The following CNGB3 variants were observed in gnomAD, a reference collection of about 807,000 sequenced individuals.
CNGB3 encodes the protein cyclic nucleotide-gated channel beta-3.
CNGB3 carries 86 observed loss-of-function variants against 92.8 expected under a neutral mutation model. The ratio of observed to expected loss-of-function variants is 0.93; its 90% CI spans 0.78 to 1.11. CNGB3 has a LOEUF of 1.11. CNGB3 is among the 50% of genes least tolerant of loss of function. CNGB3 has a pLI of 0.00. For synonymous variants in CNGB3, 333 were observed against 332.7 expected, an observed-to-expected ratio of 1.00 and a Z score of -0.01; for missense variants, 1,026 against 956.8, an observed-to-expected ratio of 1.07 and a Z score of -0.95.
Position 86,726,581 on chromosome 8 carries a change from T to C in CNGB3, c.288A>G (p.Gly96=). The C allele has an allele frequency of 6.2e-7, 1 of 1,613,904 alleles. No homozygotes were observed. Among genetic ancestry groups the C allele is most frequent in the Non-Finnish European group, 8.5e-7 (1 of 1,179,808 alleles). The part of the protein sequence containing the change: ...PDPQNAAEPT[G]TVPEQKEMDP... ...CCATTTCCTTCTGCTCTGGCACTGT[T>C]CCAGTTGGTTCTGCTGCATTTTGAG... is the stretch of plus-strand genomic sequence containing the variant. Residue 96 remains glycine, a synonymous_variant, in exon 3 of 18, where the codon GGA becomes GGG. Transcript: ENST00000320005.
At chr8:86,685,099 G>A (rs2131631250) in intron 3 of CNGB3, among the ~76,000 whole-genome samples, 1 of 152,148 alleles carries the variant, frequency 6.6e-6, no homozygotes, top group East Asian at 1.9e-4. Context: ...CTATAGTTTT[G>A]CAAGATGTTA....
At chr8:86,715,893 T>C (rs1426069387) in intron 3 of CNGB3, among the ~76,000 whole-genome samples, 1 of 150,684 alleles carries the variant, frequency 6.6e-6, no homozygotes, top group East Asian at 2.0e-4. Context: ...AGTTAATGGG[T>C]GCAGCACACC....
chr8:86,654,796 A>C, intron 6 of CNGB3, among the ~76,000 whole-genome samples: 1 of 152,080 alleles, frequency 6.6e-6, no homozygotes, highest in Non-Finnish European at 1.5e-5. Flanking sequence ...TGGGCTAGTC[A>C]TTTAAAAGTC....
At chr8:86,645,570 G>A (rs912723282) in intron 8 of CNGB3, among the ~76,000 whole-genome samples, 2 of 151,148 alleles carry the variant, frequency 1.3e-5, no homozygotes, top group African/African-American at 4.8e-5. Context: ...CAGATAGAAG[G>A]GACTGCAGAG....
At chr8:86,631,200 G>A (rs1275862352) in intron 11 of CNGB3, among the ~76,000 whole-genome samples, 3 of 152,092 alleles carry the variant, frequency 2.0e-5, no homozygotes, top group Admixed American at 6.6e-5. Flanking sequence ...ATCACTTGAC[G>A]ATTTTGTTAA....
At chr8:86,701,373 T>C (rs1049525513) in intron 3 of CNGB3, among the ~76,000 whole-genome samples, 1 of 152,232 alleles carries the variant, frequency 6.6e-6, no homozygotes, top group East Asian at 1.9e-4. Context: ...GAAGTATTTC[T>C]TGAAATAAAT....
intron 3 of CNGB3, among the ~76,000 whole-genome samples, chr8:86,714,843 G>A (rs539492078): frequency 1.4e-4 from 22 of 152,220 alleles, no homozygotes; most frequent in African/African-American, 1.9e-4. Context: ...TGCATGCTAC[G>A]TGGGAGCGGG....
chr8:86,592,502 A>C (rs1186325236), intron 15 of CNGB3, among the ~76,000 whole-genome samples: 5 of 152,216 alleles, frequency 3.3e-5, no homozygotes, highest in African/African-American at 9.6e-5. Flanking sequence ...ACTGATGAAG[A>C]AATGAAGTCT....
chr8:86,617,303 C>T (rs1161228311), intron 13 of CNGB3, among the ~76,000 whole-genome samples: 1 of 152,162 alleles, frequency 6.6e-6, no homozygotes, highest in African/African-American at 2.4e-5. Flanking sequence ...TTCTTTGAAA[C>T]AGAACTTAAG....
chr8:86,608,088 A>G (rs200945664), intron 14 of CNGB3, among the ~76,000 whole-genome samples: 1 of 152,256 alleles, frequency 6.6e-6, no homozygotes, highest in East Asian at 1.9e-4. Flanking sequence ...AAGCTGTTCC[A>G]GTATAATAAA....
intron 15 of CNGB3, among the ~76,000 whole-genome samples, chr8:86,588,453 C>G (rs1431533035): frequency 1.4e-5 from 2 of 139,308 alleles, no homozygotes; most frequent in South Asian, 4.8e-4. Flanking sequence ...TTTGCCCATT[C>G]AGTATGATAT....
At chr8:86,710,231 CTG>C (rs1824725444) in intron 3 of CNGB3, among the ~76,000 whole-genome samples, 1 of 152,220 alleles carries the variant, frequency 6.6e-6, no homozygotes, top group Non-Finnish European at 1.5e-5. Context: ...TCTTGAAAAT[CTG>C]TGCACTGTAA....
In CNGB3 at chr8:86,611,459, A is replaced by G. The variant is rs544416880; in HGVS notation, c.1662+129T>C. 186 of 727,780 alleles carry G rather than the reference A, an allele frequency of 2.6e-4. 4 individuals are homozygous for G. The highest frequency in any genetic ancestry group is 2.3e-3 in the South Asian group (159 of 67,752). 45.1% of individuals were successfully genotyped at this position (727,780 alleles called of 1,614,324 possible). ...GCACGTTATTGCTGTACAGAGCTAT[A>G]TATCATAATTATTTCTATACTATGG... is the stretch of plus-strand genomic sequence containing the variant. On this transcript the variant is annotated intron_variant, in intron 14 of 17. Transcript: ENST00000320005.
At chr8:86,617,858 G>A (rs1384567630) in intron 13 of CNGB3, among the ~76,000 whole-genome samples, 1 of 152,084 alleles carries the variant, frequency 6.6e-6, no homozygotes, top group Non-Finnish European at 1.5e-5. Context: ...GGCAGTTATG[G>A]GGATGGTTTC....
At chr8:86,611,086 T>C (rs777066401) in intron 14 of CNGB3, among the ~76,000 whole-genome samples, 16 of 152,068 alleles carry the variant, frequency 1.1e-4, no homozygotes, top group Admixed American at 7.2e-4. Flanking sequence ...TATTGGATGG[T>C]GGTATTTATG....
chr8:86,729,761 C>T (rs1825128010), intron 2 of CNGB3, among the ~76,000 whole-genome samples: 1 of 152,290 alleles, frequency 6.6e-6, no homozygotes, highest in East Asian at 1.9e-4. Context: ...GCATCATCCT[C>T]ATCATGAAAG....
chr8:86,669,592 T>C (rs1823816546), intron 4 of CNGB3, among the ~76,000 whole-genome samples: 1 of 152,186 alleles, frequency 6.6e-6, no homozygotes, highest in Admixed American at 6.5e-5. Context: ...TCAATATATC[T>C]TTATCGAAGT....
chr8:86,680,702 A>G (rs954837346), intron 3 of CNGB3, among the ~76,000 whole-genome samples: 4 of 152,016 alleles, frequency 2.6e-5, no homozygotes, highest in Admixed American at 6.6e-5. Flanking sequence ...GTCTTATACT[A>G]CTCTTGACAG....
chr8:86,700,914 A>C (rs1226674136), intron 3 of CNGB3, among the ~76,000 whole-genome samples: 1 of 152,228 alleles, frequency 6.6e-6, no homozygotes, highest in Non-Finnish European at 1.5e-5. Flanking sequence ...TGCTGGGATT[A>C]CAGGCGTGAG....
Sources: gnomAD v4.1 joint callset for allele counts (sites outside exome capture counted in the v4.1 genomes callset) on GRCh38, gnomAD v4.1.1 for gene constraint, MANE v1.5 for transcripts, NCBI Gene and HGNC (gene_info 2026-07-23, HGNC 2026-07-21) for gene names.